DLC1: variants seen among roughly 807,000 people sequenced by gnomAD.
DLC1 encodes the protein DLC1 Rho GTPase activating protein.
DLC1 carries 54 observed loss-of-function variants against 140.3 expected under a neutral mutation model. The observed-to-expected ratio is 0.38, with a 90% CI of 0.31 to 0.48. The LOEUF is 0.48. Ranked by LOEUF, DLC1 falls within the 20% of genes least tolerant of loss-of-function variation. The pLI, the probability that DLC1 is intolerant of heterozygous loss-of-function variation, is 0.96. For synonymous variants in DLC1, 986 were observed against 728.1 expected (o/e 1.35, Z -5.70); for missense variants, 2,536 against 1,907.0 (o/e 1.33, Z -6.14).
At position 13,584,739 on chromosome 8, in the gene DLC1, C is replaced by T. The variant is rs144043801; in HGVS notation, c.-126+19798G>A. ...ATTGAGATGTGATGAGGGAATATTC[C>T]GAAGGGCAACTTTCGCTCAAAAACT... On this transcript the variant is annotated intron_variant, in intron 1 of 1. Coordinates refer to the DLC1 transcript ENST00000631382. Among the ~76,000 whole-genome samples, 1,249 of 152,182 alleles carry T rather than the reference C, an allele frequency of 8.2e-3. 14 individuals carry two copies. The highest frequency in any genetic ancestry group is 0.011 in the Non-Finnish European group (755 of 67,996).
At chr8:13,265,253 C>T (rs1830637725) in intron 5 of DLC1, among the ~76,000 whole-genome samples, 1 of 152,084 alleles carries the variant, frequency 6.6e-6, no homozygotes, top group African/African-American at 2.4e-5. Context: ...AAATATGGAA[C>T]AGGGCGAAGA....
chr8:13,576,170 A>G (rs776239964), intron 1 of DLC1, among the ~76,000 whole-genome samples: 7 of 152,216 alleles, frequency 4.6e-5, no homozygotes, highest in Non-Finnish European at 8.8e-5. Flanking sequence ...AAGACACATC[A>G]TGTATAGTTT....
At chr8:13,384,449 C>T (rs1382179735) in intron 4 of DLC1, among the ~76,000 whole-genome samples, 1 of 152,122 alleles carries the variant, frequency 6.6e-6, no homozygotes, top group Non-Finnish European at 1.5e-5. Context: ...GATCTCACAA[C>T]TTTGATATAT....
At chr8:13,142,157 G>A (rs1055313541) in intron 5 of DLC1, among the ~76,000 whole-genome samples, 2 of 152,222 alleles carry the variant, frequency 1.3e-5, no homozygotes, top group Non-Finnish European at 2.9e-5. Flanking sequence ...CGCCATGATT[G>A]TAAGTTTCCT....
chr8:13,219,168 C>CTATATAATTATATGTGAATATAAT lies in DLC1; in HGVS notation c.1348+86100_1348+86101insATTATATTCACATATAATTATATA, dbSNP rs1828405578. Among the ~76,000 whole-genome samples the CTATATAATTATATGTGAATATAAT allele has an allele frequency of 2.0e-4, 9 of 46,152 alleles. No homozygotes were observed. In the South Asian group the frequency reaches 5.2e-3, roughly 27 times the overall value. 30.3% of individuals were successfully genotyped at this position (46,152 alleles called of 152,430 possible). A position where few individuals can be genotyped will look rare whatever the true frequency, so the allele number is the denominator to read the frequency against. ...TAATTATATAATTATATGAATATAA[C>CTATATAATTATATGTGAATATAAT]TATATAATTATATGAATATAACTAT... is the stretch of plus-strand genomic sequence containing the variant. On this transcript the variant is annotated intron_variant, in intron 5 of 17. Transcript: ENST00000276297.
chr8:13,152,548 A>G (rs1823900201), intron 5 of DLC1, among the ~76,000 whole-genome samples: 1 of 152,142 alleles, frequency 6.6e-6, no homozygotes, highest in South Asian at 2.1e-4. Context: ...AATGCCATTC[A>G]AATATAAGTT....
intron 1 of DLC1, among the ~76,000 whole-genome samples, chr8:13,508,251 C>G (rs1291367521): frequency 6.6e-6 from 1 of 152,152 alleles, no homozygotes; most frequent in Non-Finnish European, 1.5e-5. Flanking sequence ...TTTGGAGATT[C>G]TCTTAACATT....
At chr8:13,485,398 C>T (rs1433816216) in intron 2 of DLC1, among the ~76,000 whole-genome samples, 1 of 152,198 alleles carries the variant, frequency 6.6e-6, no homozygotes, top group African/African-American at 2.4e-5. Flanking sequence ...CTTGTTGCTA[C>T]TTGCCACCCT....
At chr8:13,268,805 GTAAATT>G (rs947084295) in intron 5 of DLC1, among the ~76,000 whole-genome samples, 22 of 151,274 alleles carry the variant, frequency 1.5e-4, no homozygotes, top group Admixed American at 1.4e-3. Flanking sequence ...GTATCTTCAG[GTAAATT>G]TAAACCCGTG....
intron 2 of DLC1, among the ~76,000 whole-genome samples, chr8:13,463,075 A>AAAGC (rs1799745708): frequency 6.6e-6 from 1 of 151,380 alleles, no homozygotes; most frequent in African/African-American, 2.4e-5. Flanking sequence ...ATAGTCTTAA[A>AAAGC]AAACAAACAA....
At chr8:13,091,269 C>T in intron 14 of DLC1, 49 bp downstream of exon 14, 1 of 1,582,700 alleles carries the variant, frequency 6.3e-7, no homozygotes, top group South Asian at 1.1e-5. Flanking sequence ...AGATTTTGTA[C>T]CTATTCACAT....
At chr8:13,601,224 T>C (rs1447788063) in intron 1 of DLC1, among the ~76,000 whole-genome samples, 1 of 151,830 alleles carries the variant, frequency 6.6e-6, no homozygotes, top group Non-Finnish European at 1.5e-5. Flanking sequence ...TTAGCTTTTC[T>C]CTAGGTCTTG....
chr8:13,332,415 T>C lies in DLC1; in HGVS notation c.1315-27113A>G, dbSNP rs1036287243. Among the ~76,000 whole-genome samples, 15 of 146,036 alleles carry C rather than the reference T, an allele frequency of 1.0e-4. No individual in the cohort carries two copies. The South Asian group carries it at 1.1e-3, about 11-fold the overall frequency. On this transcript the variant is annotated intron_variant, in intron 4 of 17. Coordinates refer to ENST00000276297, the MANE Select transcript of DLC1 (RefSeq NM_182643.3). ...TGCTGGAAACACTGAATGTTCACTA[T>C]TGACTGATTTTCTTTTGTCTTTTTT...
intron 2 of DLC1, among the ~76,000 whole-genome samples, chr8:13,491,686 C>T (rs955542852): frequency 2.0e-5 from 3 of 152,092 alleles, no homozygotes; most frequent in Non-Finnish European, 2.9e-5. Flanking sequence ...TGAAGGTTTC[C>T]TCAGAGATCC....
chr8:13,382,928 G>T (rs1836341145), intron 4 of DLC1, among the ~76,000 whole-genome samples: 1 of 152,186 alleles, frequency 6.6e-6, no homozygotes, highest in African/African-American at 2.4e-5. Context: ...TGTGACTTTT[G>T]TGTAATGGAG....
At chr8:13,434,522 G>C (rs911205427) in intron 2 of DLC1, among the ~76,000 whole-genome samples, 29 of 152,102 alleles carry the variant, frequency 1.9e-4, no homozygotes, top group Non-Finnish European at 2.9e-4. Flanking sequence ...ATGTTTAAGA[G>C]AGAAAGCAAG....
chr8:13,533,463 C>T (rs1378218928), intron 1 of DLC1, among the ~76,000 whole-genome samples: 1 of 152,110 alleles, frequency 6.6e-6, no homozygotes, highest in Non-Finnish European at 1.5e-5. Context: ...GGGAGGGACT[C>T]AATATGAACT....
intron 4 of DLC1, among the ~76,000 whole-genome samples, chr8:13,325,126 T>G (rs1833285663): frequency 6.6e-6 from 1 of 152,164 alleles, no homozygotes; most frequent in Admixed American, 6.5e-5. Context: ...CTGTAACTTT[T>G]GGCAATTTAT....
chr8:13,374,182 G>A (rs1474304334), intron 4 of DLC1, among the ~76,000 whole-genome samples: 1 of 152,158 alleles, frequency 6.6e-6, no homozygotes, highest in Non-Finnish European at 1.5e-5. Flanking sequence ...AAAAATGCAA[G>A]GTCAGTGGCT....
Sources: gnomAD v4.1 joint callset for allele counts (sites outside exome capture counted in the v4.1 genomes callset) on GRCh38, gnomAD v4.1.1 for gene constraint, MANE v1.5 for transcripts, NCBI Gene and HGNC (gene_info 2026-07-23, HGNC 2026-07-21) for gene names.